Variants in PDHB observed in about 807,000 individuals in gnomAD.
PDHB encodes pyruvate dehydrogenase E1 subunit beta.
In PDHB, 17 loss-of-function variants were observed where a neutral mutation model predicts 42.8. That is an observed-to-expected ratio of 0.40 (90% CI 0.27 to 0.60). PDHB has a LOEUF of 0.60. PDHB is among the 20% of genes least tolerant of loss of function. The probability of loss-of-function intolerance (pLI) is 0.46; values close to 1 mark genes in which losing one functional copy is unlikely to be tolerated. For synonymous variants in PDHB, 154 were observed against 148.7 expected (o/e 1.04, Z -0.26); for missense variants, 322 against 451.3 (o/e 0.71, Z 2.60).
chr3:58,431,943 C>T lies in PDHB; in HGVS notation c.138G>A (p.Glu46=), dbSNP rs11542403. The change falls in exon 3 of 10, where the codon GAG becomes GAA. Residue 46 remains glutamate, a synonymous_variant. Transcript: ENST00000302746. This position sits in a 1 kb window ranked among gnomAD's most constrained non-coding sequence, Gnocchi z 4.4. ...GAAATACCTTCTCATCTCTTTCCAG[C>T]TCCTCATCCATACCCTGATTTATAG... ...RDAINQGMDE[E]LERDEKVFLL... 4 of 1,614,024 alleles carry T rather than the reference C, an allele frequency of 2.5e-6. No individual in the cohort carries two copies. Among genetic ancestry groups the T allele is most frequent in the Non-Finnish European group, 3.4e-6 (4 of 1,179,876 alleles).
intron 7 of PDHB, 48 bp from the exon 8 acceptor site, chr3:58,429,847 T>C (rs745590589): frequency 2.7e-6 from 3 of 1,095,570 alleles, no homozygotes; most frequent in South Asian, 2.5e-5. Context: ...AAACTGAAGA[T>C]GCTACACCAC....
intron 8 of PDHB, among the ~76,000 whole-genome samples, chr3:58,429,257 G>T (rs1262049931): frequency 1.3e-5 from 2 of 152,124 alleles, no homozygotes; most frequent in African/African-American, 2.4e-5. Context: ...TTTTATAGCT[G>T]ATGAAACAGA....
chr3:58,429,562 C>T, intron 8 of PDHB, 146 bp downstream of exon 8: 3 of 704,712 alleles, frequency 4.3e-6, no homozygotes, highest in Non-Finnish European at 7.7e-6. Context: ...ATGTGAACTG[C>T]AGGCAGGTTC....
intron 7 of PDHB, 116 bp from the exon 8 acceptor site, chr3:58,429,915 A>G (rs1253912967): frequency 3.9e-6 from 3 of 768,978 alleles, no homozygotes; most frequent in African/African-American, 1.7e-5. Flanking sequence ...ACTTCATTCC[A>G]GTGAGCTGAG....
chr3:58,432,104 T>G (rs1018535682), intron 2 of PDHB, 120 bp from the exon 3 acceptor site: 8 of 733,970 alleles, frequency 1.1e-5, no homozygotes, highest in Non-Finnish European at 2.0e-5. Context: ...AGAACAAGCT[T>G]CTCTCTAAAA....
At chr3:58,433,300 T>C (rs960859389) in intron 2 of PDHB, 1 of 499,714 alleles carries the variant, frequency 2.0e-6, no homozygotes. Context: ...ATGGTGAATG[T>C]ACTTAATGCC....
intron 2 of PDHB, 30 bp from the exon 3 acceptor site, chr3:58,432,014 C>T (rs1310333263): frequency 2.0e-6 from 3 of 1,479,744 alleles, no homozygotes; most frequent in South Asian, 2.3e-5. Context: ...ACAGTCAATA[C>T]AGAATTGTTT....
chr3:58,428,358 A>G, intron 9 of PDHB, 115 bp downstream of exon 9: 1 of 1,315,976 alleles, frequency 7.6e-7, no homozygotes, highest in African/African-American at 1.4e-5. Context: ...TTACAAGTTT[A>G]AAGTTGAAGT....
In PDHB at chr3:58,430,820, T is replaced by C. The variant is rs151247980; in HGVS notation, c.426A>G (p.Ile142Met). Residue 142 changes from isoleucine (I) to methionine (M), a missense_variant, in exon 6 of 10, where the codon ATA (isoleucine) becomes ATG (methionine). Transcript: ENST00000302746. ...YMSGGLQPVP[I>M]VFRGPNGASA... is the part of the protein sequence containing the mutation. ...AGGCACCATTGGGCCCTCTGAAGAC[T>C]ATAGGCACAGGCTGAAGGCCACCAG... 29 of 1,614,054 alleles carry C rather than the reference T, an allele frequency of 1.8e-5. No homozygotes were observed. Among genetic ancestry groups the C allele is most frequent in the African/African-American group, 1.1e-4 (8 of 74,930 alleles).
intron 6 of PDHB, 96 bp downstream of exon 6, chr3:58,430,561 T>G: frequency 2.1e-6 from 2 of 969,692 alleles, no homozygotes; most frequent in Non-Finnish European, 1.7e-6. Flanking sequence ...ACGATATATC[T>G]AAGCCTAACT....
chr3:58,432,200 A>T (rs11925862), intron 2 of PDHB: 31 of 576,490 alleles, frequency 5.4e-5, no homozygotes, highest in South Asian at 3.4e-4. Context: ...CTAGGTGCCA[A>T]GTACTGCCAA....
Position 58,428,079 on chromosome 3 carries a change from C to G in PDHB, c.1035G>C (p.Gln345His), listed in dbSNP as rs987571203. Reference sequence around the variant, plus strand: ...TTATTGCAAATATGATGTCTTTGACCTGAGGTATAGAGTTGTCCTCTAGAA... The same window carrying G: ...TTATTGCAAATATGATGTCTTTGACGTGAGGTATAGAGTTGTCCTCTAGAA... ...AKILEDNSIP[Q>H]VKDIIFAIKK... Residue 345 changes from glutamine to histidine, a missense_variant, in exon 10 of 10, where the codon CAG (glutamine) becomes CAC (histidine). Coordinates refer to ENST00000302746, the MANE Select transcript of PDHB (RefSeq NM_000925.4). 3 of 1,610,122 alleles carry G rather than the reference C, an allele frequency of 1.9e-6. No individual in the cohort carries two copies. In the African/African-American group the frequency reaches 4.0e-5, roughly 21 times the overall value.
Position 58,427,895 on chromosome 3 carries a change from A to ACTT in PDHB, c.*136_*138dup, listed in dbSNP as rs1224805946. 1 of 719,860 alleles carries ACTT rather than the reference A, an allele frequency of 1.4e-6. No individual in the cohort carries two copies. The highest frequency in any genetic ancestry group is 2.0e-5 in the Admixed American group (1 of 49,766). The allele number at this position is 719,860 out of a possible 1,614,324, so 44.6% of individuals were successfully genotyped here. On this transcript the variant is annotated 3_prime_UTR_variant, in exon 10 of 10. Coordinates refer to ENST00000302746, the MANE Select transcript of PDHB (RefSeq NM_000925.4). ...GTTTTCCATACACAAACACATTTAAACTTCCCTGTACAAAAATACCTGCTG... is the reference window on the plus strand; with the variant it reads ...GTTTTCCATACACAAACACATTTAAACTTCTTCCCTGTACAAAAATACCTGCTG...
chr3:58,431,213 ATT>A lies in PDHB; in HGVS notation c.304-273_304-272del, dbSNP rs111261470. 5.6e-4 allele frequency: 238 copies of A among 422,458 alleles called. No individual in the cohort carries two copies. Among genetic ancestry groups the A allele is most frequent in the Middle Eastern group, 2.1e-3 (3 of 1,462 alleles). The allele number at this position is 422,458 out of a possible 1,614,324, so 26.2% of individuals were successfully genotyped here. On this transcript the variant is annotated intron_variant, in intron 5 of 9. Transcript: ENST00000302746. The surrounding 1 kb of genome is among the most constrained non-coding windows in gnomAD (Gnocchi z 4.4). ...GCACCACCACATCTACCTACTTGGT[ATT>A]TTTTTTTTTTCCCAAATGATGTTTT...
Position 58,431,490 on chromosome 3 carries a change from C to G in PDHB, c.303+103G>C, listed in dbSNP as rs759166717. ...TTGAACCTGGAAGCTGAGATGGTGCCAGTGCACTCCAGGCTGGACAACAGA... is the reference window on the plus strand; with the variant it reads ...TTGAACCTGGAAGCTGAGATGGTGCGAGTGCACTCCAGGCTGGACAACAGA... On this transcript the variant is annotated intron_variant, in intron 5 of 9. Transcript: ENST00000302746. This position sits in a 1 kb window ranked among gnomAD's most constrained non-coding sequence, Gnocchi z 4.4. 1.8e-5 allele frequency: 16 copies of G among 895,260 alleles called. No homozygotes were observed. The highest frequency in any genetic ancestry group is 2.8e-5 in the Non-Finnish European group (15 of 534,488). 55.5% of individuals were successfully genotyped at this position (895,260 alleles called of 1,614,324 possible).
chr3:58,428,158 T>A lies in PDHB; in HGVS notation c.956A>T (p.Asp319Val), dbSNP rs199983136. 21 of 1,613,906 alleles carry A rather than the reference T, an allele frequency of 1.3e-5. No individual in the cohort carries two copies. Among genetic ancestry groups the A allele is most frequent in the Non-Finnish European group, 5.1e-6 (6 of 1,179,940 alleles). Residue 319 changes from aspartate to valine, a missense_variant, in exon 10 of 10, where the codon GAT (aspartate) becomes GTT (valine). Transcript: ENST00000302746. ...ACCAGTGACACGAACAGCAGGAGCATCCAGGAAATTGAACGCAGGACCTAG... is the reference window on the plus strand; with the variant it reads ...ACCAGTGACACGAACAGCAGGAGCAACCAGGAAATTGAACGCAGGACCTAG... ...IMEGPAFNFL[D>V]APAVRVTGAD...
chr3:58,427,848 A>G lies in PDHB; in HGVS notation c.*186T>C. Reference sequence around the variant, plus strand: ...CGTAACAGACAAAAGGAAGCATGGCATCTAGGGGAGGAGAGTGGAGAGTTT... The same window carrying G: ...CGTAACAGACAAAAGGAAGCATGGCGTCTAGGGGAGGAGAGTGGAGAGTTT... On this transcript the variant is annotated 3_prime_UTR_variant, in exon 10 of 10. Coordinates refer to ENST00000302746, the MANE Select transcript of PDHB (RefSeq NM_000925.4). 1.5e-6 allele frequency: 1 copy of G among 662,846 alleles called. No individual in the cohort carries two copies. Among genetic ancestry groups the G allele is most frequent in the Non-Finnish European group, 2.8e-6 (1 of 362,074 alleles). The allele number at this position is 662,846 out of a possible 1,614,324, so 41.1% of individuals were successfully genotyped here.
In PDHB at chr3:58,431,632, T is replaced by C. The variant is rs1166449030; in HGVS notation, c.268-4A>G. ...CAGCAATTCCAGCAAAGCCCATCTA[T>C]AAAGTAAAATATAAACATAAGTGAA... On this transcript the variant is annotated splice_region_variant and splice_polypyrimidine_tract_variant and intron_variant, in intron 4 of 9. Transcript: ENST00000302746. This position sits in a 1 kb window ranked among gnomAD's most constrained non-coding sequence, Gnocchi z 4.4. 1 of 1,608,896 alleles carries C rather than the reference T, an allele frequency of 6.2e-7. No individual in the cohort carries two copies. Among genetic ancestry groups the C allele is most frequent in the South Asian group, 1.1e-5 (1 of 90,974 alleles).
chr3:58,430,052 G>A, intron 7 of PDHB, 76 bp downstream of exon 7: 1 of 895,518 alleles, frequency 1.1e-6, no homozygotes, highest in African/African-American at 1.7e-5. Context: ...GTAAATGACA[G>A]TAACTTCTAG....
Sources: allele counts gnomAD v4.1 joint callset (sites outside exome capture counted in the v4.1 genomes callset), GRCh38; gene constraint gnomAD v4.1.1; non-coding constraint Gnocchi (gnomAD v3.1); transcripts MANE v1.5; gene names NCBI Gene and HGNC (gene_info 2026-07-23, HGNC 2026-07-21).